Variants in ARMC2 observed in about 807,000 individuals in gnomAD.
The protein encoded by ARMC2 is armadillo repeat containing 2, also known as armadillo repeat-containing protein 2.
In ARMC2, 67 loss-of-function variants were observed where a neutral mutation model predicts 90.3. The ratio of observed to expected loss-of-function variants is 0.74; its 90% CI spans 0.61 to 0.91. The LOEUF (loss-of-function observed/expected upper bound fraction) is 0.91, where lower values mean the gene tolerates loss of function less well. ARMC2 is among the 40% of genes least tolerant of loss of function. The pLI is 0.00. For synonymous variants in ARMC2, 393 were observed against 393.0 expected, an observed-to-expected ratio of 1.00 and a Z score of 0.00; for missense variants, 920 against 1,030.9, an observed-to-expected ratio of 0.89 and a Z score of 1.47.
At chr6:108,986,021 TTG>T in the ARMC2 span, among the ~76,000 whole-genome samples, 1 of 152,138 alleles carries the variant, frequency 6.6e-6, no homozygotes, top group African/African-American at 2.4e-5. Context: ...CCCCATACAT[TTG>T]TAGGCAGGCA....
rs185406031 is a variant in ARMC2, at chr6:108,938,173, C to T, written c.1596+1174C>T. Reference sequence around the variant, plus strand: ...TTTCAACATCCTATAGTAAGTTTTGCGAGTTTATGGACCAAATAATTTATG... The same window carrying T: ...TTTCAACATCCTATAGTAAGTTTTGTGAGTTTATGGACCAAATAATTTATG... On this transcript the variant is annotated intron_variant, in intron 12 of 17. Transcript: ENST00000392644. 3.1e-3 allele frequency among the ~76,000 whole-genome samples: 473 copies of T among 152,120 alleles called. 2 individuals are homozygous for T. The highest frequency in any genetic ancestry group is 0.01 in the African/African-American group (431 of 41,506).
In ARMC2 at chr6:108,910,881, G is replaced by A; in HGVS notation, c.1024-18G>A. The A allele has an allele frequency of 2.3e-6, 3 of 1,282,112 alleles. No individual in the cohort carries two copies. Among genetic ancestry groups the A allele is most frequent in the South Asian group, 3.0e-5 (2 of 67,338 alleles). 79.4% of individuals were successfully genotyped at this position (1,282,112 alleles called of 1,614,324 possible). A position where few individuals can be genotyped will look rare whatever the true frequency, so the allele number is the denominator to read the frequency against. On this transcript the variant is annotated intron_variant, in intron 8 of 17. Coordinates refer to ENST00000392644, the MANE Select transcript of ARMC2 (RefSeq NM_032131.6). ...CTTTATTTCCTTCTGCAATAGAGAT[G>A]TGTTTCTTTCTCTGCAGCTTAAAGT...
intron 13 of ARMC2, among the ~76,000 whole-genome samples, chr6:108,958,353 G>A (rs1777743397): frequency 6.6e-6 from 1 of 152,222 alleles, no homozygotes; most frequent in Admixed American, 6.5e-5. Context: ...TATTGTGGGT[G>A]TGAATTCTTG....
chr6:109,005,910 C>T, the ARMC2 span, among the ~76,000 whole-genome samples: 13 of 152,160 alleles, frequency 8.5e-5, no homozygotes, highest in East Asian at 5.8e-4. Flanking sequence ...TCTAATTTCT[C>T]AGAAGTAGCA....
At chr6:108,956,534 TAA>T (rs112863867) in intron 13 of ARMC2, among the ~76,000 whole-genome samples, 15 of 135,012 alleles carry the variant, frequency 1.1e-4, no homozygotes, top group African/African-American at 1.9e-4. Context: ...CTGTCTCTAT[TAA>T]AAAAAAAAAA....
chr6:108,957,417 C>T (rs961337378), intron 13 of ARMC2, among the ~76,000 whole-genome samples: 1 of 152,214 alleles, frequency 6.6e-6, no homozygotes, highest in Non-Finnish European at 1.5e-5. Flanking sequence ...CCCCCTCTGA[C>T]AGGCCTGGCA....
chr6:108,927,645 A>G (rs1199338791), intron 10 of ARMC2, among the ~76,000 whole-genome samples: 1 of 151,896 alleles, frequency 6.6e-6, no homozygotes, highest in African/African-American at 2.4e-5. Flanking sequence ...CCTTGGCCAC[A>G]TCATTCATTA....
rs547799965 is a variant in ARMC2 at position 108,934,819 on chromosome 6, CTG to C, written c.1497-2079_1497-2078del. On this transcript the variant is annotated intron_variant, in intron 11 of 17. Coordinates refer to ENST00000392644, the MANE Select transcript of ARMC2 (RefSeq NM_032131.6). The stretch of plus-strand genomic sequence containing the variant: ...TATTCTCTTATTATTATTCTAATCT[CTG>C]TTTTATCTCTAATTATGTCCCCTTT... Among the ~76,000 whole-genome samples, 360 of 152,228 alleles carry C rather than the reference CTG, an allele frequency of 2.4e-3. 1 individual carries two copies. Among genetic ancestry groups the C allele is most frequent in the Non-Finnish European group, 4.4e-3 (302 of 67,994 alleles).
intron 1 of ARMC2, among the ~76,000 whole-genome samples, chr6:108,849,168 A>C (rs2128410361): frequency 6.6e-6 from 1 of 152,352 alleles, no homozygotes; most frequent in Non-Finnish European, 1.5e-5. Flanking sequence ...TGGAGTGTAT[A>C]CATAATGCCT....
intron 12 of ARMC2, among the ~76,000 whole-genome samples, chr6:108,948,601 C>A (rs1412394864): frequency 6.6e-6 from 1 of 150,496 alleles, no homozygotes; most frequent in Non-Finnish European, 1.5e-5. Context: ...CTGCCAGGAA[C>A]CACCCCCTCC....
At chr6:108,944,652 G>C (rs528536454) in intron 12 of ARMC2, among the ~76,000 whole-genome samples, 1 of 152,324 alleles carries the variant, frequency 6.6e-6, no homozygotes, top group East Asian at 1.9e-4. Context: ...AGACAGTTCA[G>C]TATATACCCA....
In ARMC2 at chr6:108,953,121, G is replaced by A. The variant is rs1156877189; in HGVS notation, c.1685G>A (p.Ser562Asn). The change falls in exon 13 of 18, where the codon AGC becomes AAC. Residue 562 changes from serine to asparagine, a missense_variant. Coordinates refer to ENST00000392644, the MANE Select transcript of ARMC2 (RefSeq NM_032131.6). The part of the protein sequence containing the change: ...AREQFSKEKG[S>N]IQTLLSLFQT... ...GAACAATTTTCCAAAGAGAAAGGGA[G>A]CATCCAAACTCTGCTGTCATTATTC... The A allele has an allele frequency of 1.9e-6, 3 of 1,613,990 alleles. No individual in the cohort carries two copies. The highest frequency in any genetic ancestry group is 1.3e-5 in the African/African-American group (1 of 75,050).
the ARMC2 span, among the ~76,000 whole-genome samples, chr6:109,038,821 G>A: frequency 6.6e-5 from 10 of 151,968 alleles, no homozygotes; most frequent in East Asian, 5.8e-4. Flanking sequence ...AGATTCTGAC[G>A]GCAATTGGGG....
chr6:108,956,817 C>T (rs975492190), intron 13 of ARMC2, among the ~76,000 whole-genome samples: 1 of 152,138 alleles, frequency 6.6e-6, no homozygotes, highest in South Asian at 2.1e-4. Flanking sequence ...CATGGCAAAA[C>T]CCCATCTCTA....
chr6:109,045,355 C>T, the ARMC2 span, among the ~76,000 whole-genome samples: 1 of 152,198 alleles, frequency 6.6e-6, no homozygotes, highest in African/African-American at 2.4e-5. Flanking sequence ...AGCCTATTCT[C>T]TACACTGGAG....
At chr6:108,953,687 A>G (rs998526475) in intron 13 of ARMC2, among the ~76,000 whole-genome samples, 4 of 152,258 alleles carry the variant, frequency 2.6e-5, no homozygotes, top group African/African-American at 9.6e-5. Context: ...TAAACTAACC[A>G]CAAAGAGTTT....
intron 3 of ARMC2, among the ~76,000 whole-genome samples, chr6:108,862,351 A>AC (rs1437582996): frequency 4.2e-5 from 6 of 144,326 alleles, no homozygotes; most frequent in Non-Finnish European, 7.6e-5. Context: ...TCAAAAAAAA[A>AC]AAAAAAACAA....
intron 13 of ARMC2, among the ~76,000 whole-genome samples, chr6:108,957,698 G>A (rs1223407656): frequency 1.3e-5 from 2 of 152,164 alleles, no homozygotes; most frequent in Non-Finnish European, 2.9e-5. Flanking sequence ...GCCTAGAGAG[G>A]TCAGCCTCAT....
the ARMC2 span, chr6:109,001,272 C>A: frequency 1.2e-5 from 20 of 1,605,782 alleles, no homozygotes; most frequent in African/African-American, 2.7e-4. Context: ...CAATTTTTCA[C>A]TGAATGTTTA....
Sources: allele counts gnomAD v4.1 joint callset (sites outside exome capture counted in the v4.1 genomes callset), GRCh38; gene constraint gnomAD v4.1.1; transcripts MANE v1.5; gene names NCBI Gene and HGNC (gene_info 2026-07-23, HGNC 2026-07-21).